TMBIM6: variants seen among roughly 807,000 people sequenced by gnomAD.
TMBIM6 encodes bax inhibitor 1.
A neutral mutation model predicts 31.4 loss-of-function variants in TMBIM6; 13 were observed. That is an observed-to-expected ratio of 0.41 (90% CI 0.27 to 0.66). The LOEUF (loss-of-function observed/expected upper bound fraction) is 0.66. Among genes scored for constraint, TMBIM6 ranks in the 30% least tolerant of loss-of-function variants. The pLI is 0.28. For synonymous variants in TMBIM6, 85 were observed against 101.7 expected, an observed-to-expected ratio of 0.84 and a Z score of 0.99; for missense variants, 275 against 289.5, an observed-to-expected ratio of 0.95 and a Z score of 0.36.
chr12:49,757,693 G>C (rs780222682), intron 4 of TMBIM6, among the ~76,000 whole-genome samples: 4 of 152,164 alleles, frequency 2.6e-5, no homozygotes, highest in African/African-American at 4.8e-5. Context: ...TTAAGGGGTG[G>C]AATTATCAGA....
intron 8 of TMBIM6, among the ~76,000 whole-genome samples, chr12:49,760,141 G>A (rs1945687092): frequency 6.6e-6 from 1 of 151,506 alleles, no homozygotes; most frequent in Non-Finnish European, 1.5e-5. Context: ...GTGTTGGGGG[G>A]TGGCTATATA....
Position 49,763,586 on chromosome 12 carries a change from A to G in TMBIM6, c.*690A>G, listed in dbSNP as rs1205502396. On this transcript the variant is annotated 3_prime_UTR_variant, in exon 10 of 10. Transcript: ENST00000267115. Reference sequence around the variant, plus strand: ...GGGTGGGAAGACTTCAGCACAAAGGAAAGACTAATTCTTGTCAGGCATTTT... The same window carrying G: ...GGGTGGGAAGACTTCAGCACAAAGGGAAGACTAATTCTTGTCAGGCATTTT... The G allele has an allele frequency of 6.6e-6, 1 of 152,262 alleles. No homozygotes were observed. Among genetic ancestry groups the G allele is most frequent in the Non-Finnish European group, 1.5e-5 (1 of 68,060 alleles). The allele number at this position is 152,262 out of a possible 1,614,324, so 9.4% of individuals were successfully genotyped here. A position where few individuals can be genotyped will look rare whatever the true frequency, so the allele number is the denominator to read the frequency against.
chr12:49,764,018 A>G lies in TMBIM6; in HGVS notation c.*1122A>G, dbSNP rs932429490. 8 of 152,206 alleles carry G rather than the reference A, an allele frequency of 5.3e-5. No individual in the cohort carries two copies. Among genetic ancestry groups the G allele is most frequent in the Admixed American group, 4.6e-4 (7 of 15,278 alleles). 9.4% of individuals were successfully genotyped at this position (152,206 alleles called of 1,614,324 possible). On this transcript the variant is annotated 3_prime_UTR_variant, in exon 10 of 10. Transcript: ENST00000267115. ...TAGTGTCAAGCCAGAGATTCGGGGC[A>G]GTAGATAAATGTTCATTTTACTGAT...
rs1565575441 is a variant in TMBIM6 at position 49,763,173 on chromosome 12, T to C, written c.*277T>C. ...TACTCAGGCAGTCGACCCGCCACGATGAGAAGTGGGACCAGCAGAGGGCGC... is the reference window on the plus strand; with the variant it reads ...TACTCAGGCAGTCGACCCGCCACGACGAGAAGTGGGACCAGCAGAGGGCGC... On this transcript the variant is annotated 3_prime_UTR_variant, in exon 10 of 10. Transcript: ENST00000267115. 2.9e-6 allele frequency: 1 copy of C among 340,506 alleles called. No homozygotes were observed. Among genetic ancestry groups the C allele is most frequent in the East Asian group, 4.4e-5 (1 of 22,514 alleles). The allele number at this position is 340,506 out of a possible 1,614,324, so 21.1% of individuals were successfully genotyped here.
At chr12:49,743,623 G>A (rs1945339663) in intron 1 of TMBIM6, 1 of 152,152 alleles carries the variant, frequency 6.6e-6, no homozygotes, top group African/African-American at 2.4e-5. Context: ...TATAGATATA[G>A]TTCGCGCTCT....
Position 49,761,717 on chromosome 12 carries a change from C to T in TMBIM6, c.628C>T (p.Leu210Phe). The change falls in exon 9 of 10, where the codon CTC (leucine) becomes TTC (phenylalanine). Residue 210 changes from leucine to phenylalanine, a missense_variant. Coordinates refer to ENST00000267115, the MANE Select transcript of TMBIM6 (RefSeq NM_003217.3). ...DQDYIWHCID[L>F]FLDFITVFRK... ...CTTGCCTTTCAGGCACTGCATTGAT[C>T]TCTTCTTAGATTTCATTACTGTCTT... 2 of 1,614,208 alleles carry T rather than the reference C, an allele frequency of 1.2e-6. No homozygotes were observed. Among genetic ancestry groups the T allele is most frequent in the Non-Finnish European group, 8.5e-7 (1 of 1,180,020 alleles).
intron 8 of TMBIM6, among the ~76,000 whole-genome samples, chr12:49,760,504 T>C (rs1203719858): frequency 6.6e-6 from 1 of 151,488 alleles, no homozygotes; most frequent in East Asian, 1.9e-4. Flanking sequence ...AGTGTTGGGA[T>C]TACAGGCTTA....
rs35862867 is a variant in TMBIM6 at position 49,760,533 on chromosome 12, C to CTTTTTTT, written c.615-1154_615-1148dup. On this transcript the variant is annotated intron_variant, in intron 8 of 9. Coordinates refer to ENST00000267115, the MANE Select transcript of TMBIM6 (RefSeq NM_003217.3). ...AGGCTTAAGCCACCATGCCCAGCCA[C>CTTTTTTT]TTTTTTTTTTTTTTTTTTTTTTTGA... Among the ~76,000 whole-genome samples the CTTTTTTT allele has an allele frequency of 4.3e-5, 4 of 93,524 alleles. 1 individual carries two copies. The highest frequency in any genetic ancestry group is 3.2e-4 in the East Asian group (1 of 3,090). 61.4% of individuals were successfully genotyped at this position (93,524 alleles called of 152,430 possible).
intron 4 of TMBIM6, among the ~76,000 whole-genome samples, chr12:49,756,814 G>C (rs1945607479): frequency 6.6e-6 from 1 of 151,420 alleles, no homozygotes; most frequent in Non-Finnish European, 1.5e-5. Context: ...TTGGCTCACT[G>C]CAGCCTCCAC....
At chr12:49,753,437 A>T (rs1473964351) in intron 3 of TMBIM6, among the ~76,000 whole-genome samples, 1 of 152,196 alleles carries the variant, frequency 6.6e-6, no homozygotes, top group Admixed American at 6.5e-5. Context: ...TTGTGTGATT[A>T]ACTATCAGGA....
chr12:49,764,728 A>G lies in TMBIM6; in HGVS notation c.*1832A>G, dbSNP rs1036772273. 25 of 114,802 alleles carry G rather than the reference A, an allele frequency of 2.2e-4. No homozygotes were observed. Among genetic ancestry groups the G allele is most frequent in the South Asian group, 7.7e-4 (3 of 3,898 alleles). The allele number at this position is 114,802 out of a possible 1,614,324, so 7.1% of individuals were successfully genotyped here. ...AAGATATTAAAAAAAAAAAAGAAAG[A>G]AAAAAAAAAAAACACCTACTTTTAA... On this transcript the variant is annotated 3_prime_UTR_variant, in exon 10 of 10. Transcript: ENST00000267115.
intron 8 of TMBIM6, among the ~76,000 whole-genome samples, chr12:49,760,738 G>A (rs144306854): frequency 2.2e-4 from 34 of 151,674 alleles, no homozygotes; most frequent in South Asian, 1.0e-3. Context: ...GTTTTGCCAC[G>A]TTGCCCCGTG....
At position 49,755,670 on chromosome 12, in the gene TMBIM6, G is replaced by T; in HGVS notation, c.201G>T (p.Leu67Phe). The T allele has an allele frequency of 6.2e-7, 1 of 1,614,126 alleles. No homozygotes were observed. The highest frequency in any genetic ancestry group is 8.5e-7 in the Non-Finnish European group (1 of 1,180,004). ...GLLSALGSLILMIWLMATPHS... is the reference protein window; with the variant it reads ...GLLSALGSLIFMIWLMATPHS... ...TGTCTGCCTTGGGCTCCCTGATATT[G>T]ATGATTTGGCTGATGGCAACACCTC... is the stretch of plus-strand genomic sequence containing the variant. The change falls in exon 4 of 10, where the codon TTG becomes TTT. Residue 67 changes from leucine (L) to phenylalanine (F), a missense_variant. Leu to Phe is a conservative substitution (Grantham distance 22). Transcript: ENST00000267115.
In TMBIM6 at chr12:49,752,994, C is replaced by T; in HGVS notation, c.78C>T (p.His26=). The part of the protein sequence containing the change: ...FSHITPSTQQ[H]LKKVYASFAL... ...TTAGAACCCCGTCAACGCAGCAGCACCTGAAGAAGGTCTATGCAAGTTTTG... is the reference window on the plus strand; with the variant it reads ...TTAGAACCCCGTCAACGCAGCAGCATCTGAAGAAGGTCTATGCAAGTTTTG... The change falls in exon 3 of 10, where the codon CAC becomes CAT. Residue 26 remains histidine (H), a synonymous_variant. Coordinates refer to ENST00000267115, the MANE Select transcript of TMBIM6 (RefSeq NM_003217.3). 5 of 1,613,914 alleles carry T rather than the reference C, an allele frequency of 3.1e-6. No individual in the cohort carries two copies. Among genetic ancestry groups the T allele is most frequent in the Non-Finnish European group, 4.2e-6 (5 of 1,179,936 alleles).
At chr12:49,752,083 C>T (rs1367823186) in intron 1 of TMBIM6, among the ~76,000 whole-genome samples, 1 of 152,054 alleles carries the variant, frequency 6.6e-6, no homozygotes, top group East Asian at 1.9e-4. Context: ...AATTCTTTAG[C>T]ATCTTGAAAC....
At chr12:49,744,392 C>G (rs747693644) in intron 1 of TMBIM6, 1 of 152,014 alleles carries the variant, frequency 6.6e-6, no homozygotes, top group African/African-American at 2.4e-5. Context: ...TGTCTTCTAC[C>G]ACTCTGTTTT....
At chr12:49,748,584 G>T (rs1285018070) in intron 1 of TMBIM6, among the ~76,000 whole-genome samples, 1 of 152,218 alleles carries the variant, frequency 6.6e-6, no homozygotes, top group South Asian at 2.1e-4. Context: ...GACAGCTTCT[G>T]ACAGGTTTTC....
chr12:49,751,319 AC>A (rs1472809298), intron 1 of TMBIM6, among the ~76,000 whole-genome samples: 8 of 152,146 alleles, frequency 5.3e-5, no homozygotes, highest in Non-Finnish European at 1.2e-4. Flanking sequence ...GGATATACAC[AC>A]TGAAGTGTTT....
intron 4 of TMBIM6, among the ~76,000 whole-genome samples, chr12:49,756,429 C>T (rs1945596147): frequency 6.7e-6 from 1 of 148,918 alleles, no homozygotes; most frequent in Non-Finnish European, 1.5e-5. Context: ...CCATAGTACC[C>T]TGCCTCCTGG....
Sources: allele counts gnomAD v4.1 joint callset (sites outside exome capture counted in the v4.1 genomes callset), GRCh38; gene constraint gnomAD v4.1.1; transcripts MANE v1.5; gene names NCBI Gene and HGNC (gene_info 2026-07-23, HGNC 2026-07-21).